Variants in CDK14 observed in about 807,000 individuals in gnomAD.
The protein encoded by CDK14 is cyclin dependent kinase 14.
CDK14 carries 34 observed loss-of-function variants against 60.7 expected under a neutral mutation model. That is an observed-to-expected ratio of 0.56 (90% confidence interval 0.43 to 0.75). CDK14 has a LOEUF of 0.75. Ranked by LOEUF, CDK14 falls within the 30% of genes least tolerant of loss-of-function variation. CDK14 has a pLI of 0.00. For missense variants in CDK14, 482 were observed against 564.1 expected (o/e 0.85, Z 1.47); for synonymous variants, 197 against 203.7 (o/e 0.97, Z 0.28).
At chr7:90,991,207 G>A (rs191063217) in intron 10 of CDK14, among the ~76,000 whole-genome samples, 119 of 152,282 alleles carry the variant, frequency 7.8e-4, no homozygotes, top group Non-Finnish European at 1.5e-3. Context: ...TGGACTTTAT[G>A]TGATAGCGGC....
intron 13 of CDK14, among the ~76,000 whole-genome samples, chr7:91,116,933 C>T (rs1299808122): frequency 6.6e-6 from 1 of 151,630 alleles, no homozygotes; most frequent in African/African-American, 2.4e-5. Flanking sequence ...TGTCTATCTG[C>T]ATGGACTCCC....
chr7:90,717,771 A>G (rs930607880), intron 2 of CDK14, among the ~76,000 whole-genome samples: 4 of 152,016 alleles, frequency 2.6e-5, no homozygotes, highest in Non-Finnish European at 4.4e-5. Flanking sequence ...TAGTAAAACA[A>G]TCCATCATTG....
intron 5 of CDK14, among the ~76,000 whole-genome samples, chr7:90,822,096 T>C (rs1160657395): frequency 1.3e-5 from 2 of 152,256 alleles, no homozygotes; most frequent in Non-Finnish European, 2.9e-5. Flanking sequence ...TTTCATTAGC[T>C]CCATGTATGC....
intron 5 of CDK14, among the ~76,000 whole-genome samples, chr7:90,850,664 G>C (rs918605380): frequency 1.3e-5 from 2 of 152,176 alleles, no homozygotes; most frequent in Non-Finnish European, 2.9e-5. Flanking sequence ...TTGAAGATCT[G>C]AGAAAAGCAC....
At chr7:91,039,254 A>G (rs925999525) in intron 10 of CDK14, among the ~76,000 whole-genome samples, 2 of 152,066 alleles carry the variant, frequency 1.3e-5, no homozygotes, top group Admixed American at 1.3e-4. Flanking sequence ...TTTCTGTTTC[A>G]CATGCTTGTC....
At chr7:91,070,780 TAAA>T (rs1013257813) in intron 11 of CDK14, among the ~76,000 whole-genome samples, 2 of 148,034 alleles carry the variant, frequency 1.4e-5, no homozygotes, top group Admixed American at 1.4e-4. Context: ...AAGGAAATGT[TAAA>T]AAAAAGAGAA....
At chr7:91,006,157 C>T (rs994644159) in intron 10 of CDK14, among the ~76,000 whole-genome samples, 1 of 152,244 alleles carries the variant, frequency 6.6e-6, no homozygotes, top group Admixed American at 6.5e-5. Context: ...TGGCGATGTT[C>T]AGAATTAGCA....
At chr7:90,873,106 T>A (rs1311843848) in intron 6 of CDK14, among the ~76,000 whole-genome samples, 1 of 152,166 alleles carries the variant, frequency 6.6e-6, no homozygotes, top group Non-Finnish European at 1.5e-5. Context: ...ACAATACTCC[T>A]GGAAAACTGC....
chr7:90,614,077 G>A (rs1285825578), intron 2 of CDK14, among the ~76,000 whole-genome samples: 3 of 148,708 alleles, frequency 2.0e-5, no homozygotes, highest in Non-Finnish European at 4.4e-5. Flanking sequence ...TGCGATCTTG[G>A]GTCACTGCAA....
intron 8 of CDK14, among the ~76,000 whole-genome samples, chr7:90,920,966 A>G (rs1398232427): frequency 2.0e-5 from 3 of 152,012 alleles, no homozygotes; most frequent in Admixed American, 1.3e-4. Context: ...GCAAAGTCGT[A>G]TTTAAACCCT....
chr7:91,014,753 G>T (rs1796254141), intron 10 of CDK14, among the ~76,000 whole-genome samples: 1 of 152,196 alleles, frequency 6.6e-6, no homozygotes, highest in African/African-American at 2.4e-5. Flanking sequence ...TTCGATTTCA[G>T]ATATAAATAT....
chr7:90,936,476 G>C (rs1327587912), intron 8 of CDK14, among the ~76,000 whole-genome samples: 6 of 152,140 alleles, frequency 3.9e-5, no homozygotes, highest in African/African-American at 1.4e-4. Context: ...TTAATGAAGA[G>C]AAAACTTTTG....
At chr7:90,626,206 T>G (rs1271966434) in intron 2 of CDK14, among the ~76,000 whole-genome samples, 2 of 152,136 alleles carry the variant, frequency 1.3e-5, no homozygotes, top group East Asian at 3.9e-4. Context: ...TCAGTGGAAT[T>G]TGTTTATCTT....
intron 14 of CDK14, among the ~76,000 whole-genome samples, chr7:91,149,388 C>G (rs1165959492): frequency 6.6e-6 from 1 of 151,982 alleles, no homozygotes; most frequent in Non-Finnish European, 1.5e-5. Flanking sequence ...ACTTGAGTAC[C>G]CCATCCTCCC....
chr7:90,939,984 C>T (rs1364185717), intron 8 of CDK14, among the ~76,000 whole-genome samples: 3 of 152,124 alleles, frequency 2.0e-5, no homozygotes, highest in Non-Finnish European at 2.9e-5. Flanking sequence ...AGAACCAAAC[C>T]GTAGTGAAAT....
chr7:90,842,784 A>G (rs1043658156), intron 5 of CDK14, among the ~76,000 whole-genome samples: 2 of 152,156 alleles, frequency 1.3e-5, no homozygotes, highest in Non-Finnish European at 2.9e-5. Flanking sequence ...TTTTTGCACC[A>G]TTGCAAAAGT....
intron 6 of CDK14, among the ~76,000 whole-genome samples, chr7:90,895,798 A>T (rs184058242): frequency 1.5e-3 from 213 of 143,966 alleles, no homozygotes; most frequent in African/African-American, 5.2e-3. Flanking sequence ...CTGGTCTTGA[A>T]CTTCTGACCT....
At chr7:91,165,086 TGC>T (rs1801305640) in intron 14 of CDK14, among the ~76,000 whole-genome samples, 1 of 152,182 alleles carries the variant, frequency 6.6e-6, no homozygotes, top group Non-Finnish European at 1.5e-5. Context: ...GCGTTCCCTA[TGC>T]GGCCTGGTTC....
chr7:90,874,503 CTTTTTTTTTTTTTTTTTT>C lies in CDK14; in HGVS notation c.639+11253_639+11270del, dbSNP rs747439482. On this transcript the variant is annotated intron_variant, in intron 6 of 14. Transcript: ENST00000380050. Reference sequence around the variant, plus strand: ...ATCTGGAATCTCATGTCCTTTCATCCTTTTTTTTTTTTTTTTTTTTTTTTTTTTTTTTTTTTGAGACGG... The same window carrying C: ...ATCTGGAATCTCATGTCCTTTCATCCTTTTTTTTTTTTTTTTTTGAGACGG... Among the ~76,000 whole-genome samples, 24 of 48,012 alleles carry C rather than the reference CTTTTTTTTTTTTTTTTTT, an allele frequency of 5.0e-4. No individual in the cohort carries two copies. The South Asian group carries it at 8.7e-3, about 17-fold the overall frequency. The allele number at this position is 48,012 out of a possible 152,430, so 31.5% of individuals were successfully genotyped here. A position where few individuals can be genotyped will look rare whatever the true frequency, so the allele number is the denominator to read the frequency against.
Sources: allele counts gnomAD v4.1 joint callset (sites outside exome capture counted in the v4.1 genomes callset), GRCh38; gene constraint gnomAD v4.1.1; transcripts MANE v1.5; gene names NCBI Gene and HGNC (gene_info 2026-07-23, HGNC 2026-07-21).